NXPE2: variants seen among roughly 807,000 people sequenced by gnomAD.
NXPE2 encodes the protein neurexophilin and PC-esterase domain family member 2, also known as NXPE family member 2.
Under a neutral mutation model 34.4 loss-of-function variants are expected in NXPE2, and 34 were observed. The ratio of observed to expected loss-of-function variants is 0.99; its 90% confidence interval spans 0.75 to 1.31. The LOEUF is 1.31. NXPE2 is among the 40% of genes most tolerant of loss of function. NXPE2 has a pLI of 0.00. For synonymous variants in NXPE2, 235 were observed against 231.3 expected, an observed-to-expected ratio of 1.02 and a Z score of -0.15; for missense variants, 649 against 672.5, an observed-to-expected ratio of 0.97 and a Z score of 0.39.
At chr11:114,490,169 A>C in the NXPE2 span, among the ~76,000 whole-genome samples, 1 of 152,224 alleles carries the variant, frequency 6.6e-6, no homozygotes. Flanking sequence ...GGACCTCTTC[A>C]AGAAGAACTA....
At chr11:114,705,755 C>A in intron 4 of NXPE2, 26 bp from the exon 5 acceptor site, 2 of 1,340,804 alleles carry the variant, frequency 1.5e-6, no homozygotes, top group South Asian at 1.7e-5. Flanking sequence ...ATAAAAATTA[C>A]TTAATCTGGA....
chr11:114,467,260 T>C, the NXPE2 span, among the ~76,000 whole-genome samples: 4 of 152,166 alleles, frequency 2.6e-5, no homozygotes, highest in Non-Finnish European at 5.9e-5. Flanking sequence ...GGTAAAAAAT[T>C]TGCAGGATTT....
chr11:114,653,498 CTT>C, the NXPE2 span, among the ~76,000 whole-genome samples: 1 of 150,232 alleles, frequency 6.7e-6, no homozygotes, highest in Non-Finnish European at 1.5e-5. Context: ...ATTTCATTAC[CTT>C]TTCTTGTTAG....
At chr11:114,770,697 G>A in the NXPE2 span, among the ~76,000 whole-genome samples, 1 of 152,190 alleles carries the variant, frequency 6.6e-6, no homozygotes, top group African/African-American at 2.4e-5. Flanking sequence ...TCATCTCAAA[G>A]CAGTGCTCCA....
the NXPE2 span, among the ~76,000 whole-genome samples, chr11:114,633,283 A>G: frequency 7.2e-6 from 1 of 138,774 alleles, no homozygotes; most frequent in East Asian, 2.0e-4. Context: ...ATTATGTTAT[A>G]TTATAAAATT....
chr11:114,764,432 A>G, the NXPE2 span, among the ~76,000 whole-genome samples: 1 of 150,582 alleles, frequency 6.6e-6, no homozygotes, highest in East Asian at 1.9e-4. Flanking sequence ...TTCTTTAAAA[A>G]AAAAAAAAAG....
chr11:114,624,776 C>G, the NXPE2 span, among the ~76,000 whole-genome samples: 31 of 152,158 alleles, frequency 2.0e-4, no homozygotes, highest in Non-Finnish European at 3.2e-4. Flanking sequence ...TAAGTATTGC[C>G]TCGTGGGTAA....
At chr11:114,534,690 G>A in the NXPE2 span, among the ~76,000 whole-genome samples, 2 of 152,106 alleles carry the variant, frequency 1.3e-5, no homozygotes, top group Admixed American at 6.5e-5. Context: ...TATCAGTGAT[G>A]GAAGACGAAA....
the NXPE2 span, among the ~76,000 whole-genome samples, chr11:114,469,521 G>A: frequency 6.6e-6 from 1 of 151,082 alleles, no homozygotes; most frequent in African/African-American, 2.4e-5. Flanking sequence ...ACGGAGTCTC[G>A]CACTCTCGCC....
the NXPE2 span, chr11:114,529,914 T>C: frequency 2.3e-6 from 1 of 428,280 alleles, no homozygotes; most frequent in African/African-American, 2.0e-5. Context: ...CATACACTTA[T>C]CAAGGAATCT....
chr11:114,638,223 A>T, the NXPE2 span, among the ~76,000 whole-genome samples: 2 of 151,964 alleles, frequency 1.3e-5, no homozygotes, highest in Non-Finnish European at 2.9e-5. Context: ...TTCGTCTTTC[A>T]TCACTGATAC....
chr11:114,484,441 C>T, the NXPE2 span, among the ~76,000 whole-genome samples: 3 of 152,066 alleles, frequency 2.0e-5, no homozygotes, highest in Non-Finnish European at 4.4e-5. Context: ...GCTTGTTTTC[C>T]CAGTGCCCAA....
chr11:114,570,605 T>A, the NXPE2 span: 34,428 of 173,010 alleles, frequency 0.2, 4,564 homozygotes, highest in African/African-American at 0.38. Flanking sequence ...TTCTCCAAAT[T>A]TTTATTTTAA....
downstream of NXPE2, among the ~76,000 whole-genome samples, chr11:114,711,042 T>C (rs994044861): frequency 2.0e-5 from 3 of 152,014 alleles, no homozygotes; most frequent in Non-Finnish European, 2.9e-5. Context: ...AAATTTAACA[T>C]CCTTTCATGA....
chr11:114,508,819 A>T, the NXPE2 span, among the ~76,000 whole-genome samples: 2 of 152,238 alleles, frequency 1.3e-5, no homozygotes, highest in Non-Finnish European at 2.9e-5. Flanking sequence ...AGGCAATACC[A>T]TTCACAACAT....
the NXPE2 span, chr11:114,581,904 C>A: frequency 1.4e-6 from 1 of 703,794 alleles, no homozygotes. Context: ...ATTATGCCTA[C>A]AGTTTCAGGC....
the NXPE2 span, among the ~76,000 whole-genome samples, chr11:114,788,127 C>T: frequency 6.6e-6 from 1 of 152,194 alleles, no homozygotes; most frequent in East Asian, 1.9e-4. Flanking sequence ...AACATCAGTC[C>T]TCTACCTCCC....
At chr11:114,665,459 C>T in the NXPE2 span, among the ~76,000 whole-genome samples, 1 of 152,136 alleles carries the variant, frequency 6.6e-6, no homozygotes, top group Admixed American at 6.6e-5. Context: ...CATCCATATG[C>T]CAGTCCTTAA....
At chr11:114,540,715 T>G in the NXPE2 span, among the ~76,000 whole-genome samples, 1 of 151,738 alleles carries the variant, frequency 6.6e-6, no homozygotes, top group African/African-American at 2.4e-5. Context: ...AGCAGGCAAG[T>G]TTTGGTGGGA....
Sources: gnomAD v4.1 joint callset for allele counts (sites outside exome capture counted in the v4.1 genomes callset) on GRCh38, gnomAD v4.1.1 for gene constraint, MANE v1.5 for transcripts, NCBI Gene and HGNC (gene_info 2026-07-23, HGNC 2026-07-21) for gene names.